Variants in FAM135B observed in about 807,000 individuals in gnomAD.
The protein encoded by FAM135B is family with sequence similarity 135 member B, also known as protein FAM135B.
A neutral mutation model predicts 127.7 loss-of-function variants in FAM135B; 43 were observed. The observed-to-expected ratio is 0.34, with a 90% CI of 0.26 to 0.43. FAM135B has a LOEUF of 0.43. FAM135B is among the 20% of genes least tolerant of loss of function. The pLI, the probability that FAM135B is intolerant of heterozygous loss-of-function variation, is 1.00. For synonymous variants in FAM135B, 670 were observed against 665.1 expected (o/e 1.01, Z -0.11); for missense variants, 1,558 against 1,725.6 (o/e 0.90, Z 1.72).
At chr8:138,181,808 A>C (rs987069873) in intron 9 of FAM135B, among the ~76,000 whole-genome samples, 2 of 152,032 alleles carry the variant, frequency 1.3e-5, no homozygotes, top group Non-Finnish European at 2.9e-5. Context: ...TCCGCGTGTA[A>C]GTCTAAGATC....
intron 12 of FAM135B, among the ~76,000 whole-genome samples, chr8:138,164,731 T>A (rs796980309): frequency 6.6e-6 from 1 of 152,240 alleles, no homozygotes; most frequent in Non-Finnish European, 1.5e-5. Context: ...TCTTGATTGA[T>A]GTCTCATGTC....
chr8:138,479,041 C>A (rs1814650732), intron 1 of FAM135B, among the ~76,000 whole-genome samples: 1 of 152,138 alleles, frequency 6.6e-6, no homozygotes, highest in Admixed American at 6.5e-5. Context: ...GAACAGCTGG[C>A]AAAACTCAGG....
At chr8:138,492,614 A>AC (rs1207930302) in intron 1 of FAM135B, among the ~76,000 whole-genome samples, 3 of 152,028 alleles carry the variant, frequency 2.0e-5, no homozygotes, top group African/African-American at 7.2e-5. Context: ...GCCTCAACGG[A>AC]CACCACCTCA....
chr8:138,200,916 T>C (rs959231214), intron 7 of FAM135B, among the ~76,000 whole-genome samples: 3 of 152,236 alleles, frequency 2.0e-5, no homozygotes, highest in African/African-American at 7.2e-5. Flanking sequence ...GCAAGGTCAC[T>C]CTGCTTGCCA....
chr8:138,269,346 C>T (rs1224537964), intron 3 of FAM135B, among the ~76,000 whole-genome samples: 1 of 152,148 alleles, frequency 6.6e-6, no homozygotes, highest in East Asian at 1.9e-4. Context: ...CCAACAGCAC[C>T]CTTAGGGACC....
chr8:138,264,211 C>T (rs1193463387), intron 4 of FAM135B, among the ~76,000 whole-genome samples: 5 of 152,180 alleles, frequency 3.3e-5, no homozygotes, highest in African/African-American at 4.8e-5. Context: ...AATCTTCCTC[C>T]GCAGTTGGGT....
At chr8:138,367,515 G>T in intron 2 of FAM135B, 1 of 450,736 alleles carries the variant, frequency 2.2e-6, no homozygotes, top group Non-Finnish European at 4.4e-6. Flanking sequence ...ACAATACGTG[G>T]TTTTGAAGTA....
At chr8:138,273,230 G>T (rs1003871640) in intron 3 of FAM135B, among the ~76,000 whole-genome samples, 1 of 152,152 alleles carries the variant, frequency 6.6e-6, no homozygotes, top group Admixed American at 6.5e-5. Flanking sequence ...TTTTGAGATG[G>T]AGTCTCACTC....
intron 3 of FAM135B, among the ~76,000 whole-genome samples, chr8:138,273,072 T>C (rs1364545434): frequency 1.3e-5 from 2 of 152,106 alleles, no homozygotes; most frequent in Non-Finnish European, 2.9e-5. Flanking sequence ...CTCAGACAAA[T>C]GGAGTGAATA....
intron 1 of FAM135B, among the ~76,000 whole-genome samples, chr8:138,443,769 T>C (rs1184423862): frequency 6.6e-6 from 1 of 152,158 alleles, no homozygotes; most frequent in Non-Finnish European, 1.5e-5. Flanking sequence ...CCAGCTAACA[T>C]CATAATGACA....
In FAM135B at chr8:138,496,795, G is replaced by C. The variant is rs1244361909; in HGVS notation, c.-144C>G. The stretch of plus-strand genomic sequence containing the variant: ...CGGCGGCGGCGGCGGGCGGACTGGG[G>C]AGTCCGCAGCACCTGCGAGCTGGTG... On this transcript the variant is annotated 5_prime_UTR_variant, in exon 1 of 20. Transcript: ENST00000395297. The C allele has an allele frequency of 6.5e-6, 1 of 153,510 alleles. No individual in the cohort carries two copies. Among genetic ancestry groups the C allele is most frequent in the East Asian group, 1.9e-4 (1 of 5,170 alleles). 9.5% of individuals were successfully genotyped at this position (153,510 alleles called of 1,614,324 possible). A position where few individuals can be genotyped will look rare whatever the true frequency, so the allele number is the denominator to read the frequency against.
chr8:138,190,026 C>T (rs1012054400), intron 9 of FAM135B, among the ~76,000 whole-genome samples: 1 of 152,300 alleles, frequency 6.6e-6, no homozygotes, highest in Admixed American at 6.5e-5. Context: ...TTTAAACTTC[C>T]CTCCAGTCTC....
chr8:138,391,439 A>G (rs552514201), intron 1 of FAM135B, among the ~76,000 whole-genome samples: 74 of 152,044 alleles, frequency 4.9e-4, no homozygotes, highest in African/African-American at 1.8e-3. Context: ...CCAGCCTCAC[A>G]TAGATCTTCC....
chr8:138,384,991 C>G (rs188035861), intron 1 of FAM135B, among the ~76,000 whole-genome samples: 1 of 152,162 alleles, frequency 6.6e-6, no homozygotes, highest in African/African-American at 2.4e-5. Flanking sequence ...CATCGGCCAA[C>G]GCAGTCTGAT....
At chr8:138,190,698 A>G (rs1239467966) in intron 9 of FAM135B, among the ~76,000 whole-genome samples, 1 of 152,172 alleles carries the variant, frequency 6.6e-6, no homozygotes, top group Non-Finnish European at 1.5e-5. Context: ...AACATTTACC[A>G]TCTATTCTCT....
chr8:138,480,719 A>C (rs1212510947), intron 1 of FAM135B, among the ~76,000 whole-genome samples: 4 of 152,200 alleles, frequency 2.6e-5, no homozygotes, highest in Admixed American at 2.6e-4. Flanking sequence ...TTTGAGAAGC[A>C]AGTCAACTTG....
intron 3 of FAM135B, among the ~76,000 whole-genome samples, chr8:138,274,499 T>A (rs1322529364): frequency 6.6e-6 from 1 of 152,200 alleles, no homozygotes; most frequent in Non-Finnish European, 1.5e-5. Context: ...TTAAAATTGC[T>A]AATGAAGTTT....
chr8:138,196,380 G>C (rs1816626984), intron 8 of FAM135B, among the ~76,000 whole-genome samples: 1 of 152,176 alleles, frequency 6.6e-6, no homozygotes, highest in South Asian at 2.1e-4. Context: ...TGATGTGAGA[G>C]CTGACAAAGC....
At chr8:138,387,607 G>A (rs1388350282) in intron 1 of FAM135B, among the ~76,000 whole-genome samples, 1 of 152,030 alleles carries the variant, frequency 6.6e-6, no homozygotes, top group East Asian at 1.9e-4. Context: ...CCTATTTCTT[G>A]GAGCTCCTGT....
Sources: allele counts gnomAD v4.1 joint callset (sites outside exome capture counted in the v4.1 genomes callset), GRCh38; gene constraint gnomAD v4.1.1; transcripts MANE v1.5; gene names NCBI Gene and HGNC (gene_info 2026-07-23, HGNC 2026-07-21).